The following SKAP1 variants were observed in gnomAD, a reference collection of about 807,000 sequenced individuals.
The protein encoded by SKAP1 is src kinase associated phosphoprotein 1.
SKAP1 carries 44 observed loss-of-function variants against 58.5 expected under a neutral mutation model. That is an observed-to-expected ratio of 0.75 (90% CI 0.59 to 0.97). The LOEUF (loss-of-function observed/expected upper bound fraction) is 0.97. SKAP1 is among the 50% of genes least tolerant of loss of function. The pLI is 0.00. For missense variants in SKAP1, 390 were observed against 435.2 expected (o/e 0.90, Z 0.92); for synonymous variants, 127 against 149.7 (o/e 0.85, Z 1.11).
chr17:48,220,892 A>C (rs1248734702), intron 4 of SKAP1, among the ~76,000 whole-genome samples: 2 of 150,442 alleles, frequency 1.3e-5, no homozygotes, highest in Non-Finnish European at 3.0e-5. Context: ...AGAAAAAAAA[A>C]AGAAAGAGAA....
chr17:48,391,605 T>C (rs2067345795), intron 2 of SKAP1, among the ~76,000 whole-genome samples: 1 of 152,174 alleles, frequency 6.6e-6, no homozygotes, highest in Non-Finnish European at 1.5e-5. Flanking sequence ...ATGAGTTGAG[T>C]AATAATGTTG....
At chr17:48,437,808 C>G in the SKAP1 span, among the ~76,000 whole-genome samples, 2 of 151,196 alleles carry the variant, frequency 1.3e-5, no homozygotes, top group Non-Finnish European at 2.9e-5. Flanking sequence ...GTAATTCAAG[C>G]TCAAAATATA....
At chr17:48,288,145 A>G (rs1377000123) in intron 4 of SKAP1, among the ~76,000 whole-genome samples, 2 of 152,176 alleles carry the variant, frequency 1.3e-5, no homozygotes, top group Non-Finnish European at 2.9e-5. Flanking sequence ...ATTTCTATGA[A>G]TTCATGGGAG....
At chr17:48,285,801 G>A (rs1202031552) in intron 4 of SKAP1, among the ~76,000 whole-genome samples, 2 of 152,108 alleles carry the variant, frequency 1.3e-5, no homozygotes, top group Admixed American at 1.3e-4. Context: ...TCCTTAATCT[G>A]TTCCTTGTTT....
chr17:48,304,408 G>A (rs1269027212), intron 4 of SKAP1, among the ~76,000 whole-genome samples: 1 of 152,188 alleles, frequency 6.6e-6, no homozygotes, highest in African/African-American at 2.4e-5. Context: ...AAGTGTGGGA[G>A]AATGATGGGA....
intron 4 of SKAP1, among the ~76,000 whole-genome samples, chr17:48,329,703 G>T (rs1209960310): frequency 1.3e-5 from 2 of 152,066 alleles, no homozygotes; most frequent in Non-Finnish European, 2.9e-5. Context: ...GAGAGACTTT[G>T]TCTAAAAAAA....
At position 48,162,510 on chromosome 17, in the gene SKAP1, G is replaced by T. The variant is rs2064083250; in HGVS notation, c.937C>A (p.Leu313Met). The T allele has an allele frequency of 6.2e-7, 1 of 1,613,966 alleles. No individual in the cohort carries two copies. Among genetic ancestry groups the T allele is most frequent in the Non-Finnish European group, 8.5e-7 (1 of 1,179,976 alleles). Residue 313 changes from leucine (L) to methionine (M), a missense_variant, in exon 11 of 13, where the codon CTG becomes ATG. Leu to Met is a conservative substitution (Grantham distance 15). Transcript: ENST00000336915. The part of the protein sequence containing the change: ...WDCHGDQPDE[L>M]SFQRGDLIRI... ...ATGAGGTCACCCCGTTGGAAGGACA[G>T]TTCATCTGGCTGGTCACCATGGCAA...
chr17:48,329,124 A>T (rs1174304167), intron 4 of SKAP1, among the ~76,000 whole-genome samples: 1 of 152,228 alleles, frequency 6.6e-6, no homozygotes, highest in Non-Finnish European at 1.5e-5. Flanking sequence ...CATTTGCATC[A>T]CTACAGAAAG....
At chr17:48,390,968 G>C (rs544584146) in intron 2 of SKAP1, among the ~76,000 whole-genome samples, 1 of 152,098 alleles carries the variant, frequency 6.6e-6, no homozygotes, top group Admixed American at 6.5e-5. Context: ...CCAGCTACTC[G>C]GGTGGCTGAG....
At chr17:48,430,495 C>A (rs146862394), upstream of SKAP1, among the ~76,000 whole-genome samples, 1 of 152,112 alleles carries the variant, frequency 6.6e-6, no homozygotes, top group Non-Finnish European at 1.5e-5. Context: ...TCCTAAGCAC[C>A]GAACAGTTGA....
intron 11 of SKAP1, among the ~76,000 whole-genome samples, chr17:48,146,220 C>T (rs142635634): frequency 0.027 from 4,116 of 152,128 alleles, 176 homozygotes; most frequent in African/African-American, 0.092. Context: ...AGGCCGGAGA[C>T]GGTGGCTCAC....
chr17:48,192,519 T>C (rs376359446), intron 4 of SKAP1, among the ~76,000 whole-genome samples: 2 of 152,234 alleles, frequency 1.3e-5, no homozygotes, highest in East Asian at 1.9e-4. Context: ...ATTACATTAA[T>C]GTGCCCACAC....
In SKAP1 at chr17:48,327,171, G is replaced by A. The variant is rs565577348; in HGVS notation, c.280+18734C>T. 1.5e-3 allele frequency among the ~76,000 whole-genome samples: 224 copies of A among 152,310 alleles called. 1 individual carries two copies. Among genetic ancestry groups the A allele is most frequent in the Non-Finnish European group, 2.3e-3 (158 of 68,032 alleles). ...CTCCCAAAGTACTGGGATTACAGGC[G>A]TGAGCCACCGTGCCCAGCATAATAA... On this transcript the variant is annotated intron_variant, in intron 4 of 12. Coordinates refer to ENST00000336915, the MANE Select transcript of SKAP1 (RefSeq NM_003726.4).
At chr17:48,276,962 T>C (rs1245872641) in intron 4 of SKAP1, among the ~76,000 whole-genome samples, 2 of 152,240 alleles carry the variant, frequency 1.3e-5, no homozygotes, top group Non-Finnish European at 2.9e-5. Context: ...ACACAGGAGA[T>C]GACCTCCAAC....
chr17:48,363,347 G>C (rs560452462), intron 3 of SKAP1, among the ~76,000 whole-genome samples: 1 of 152,298 alleles, frequency 6.6e-6, no homozygotes, highest in South Asian at 2.1e-4. Context: ...ACATTTCTCT[G>C]CTGCCAGACA....
intron 11 of SKAP1, among the ~76,000 whole-genome samples, chr17:48,142,516 T>A (rs1481565494): frequency 6.6e-6 from 1 of 152,150 alleles, no homozygotes; most frequent in Non-Finnish European, 1.5e-5. Context: ...AATGAGATTA[T>A]GATGAAATGA....
At chr17:48,308,603 T>A (rs911483929) in intron 4 of SKAP1, 4 of 152,202 alleles carry the variant, frequency 2.6e-5, no homozygotes, top group African/African-American at 9.6e-5. Context: ...GAAGACATCA[T>A]AATTTTCTAC....
intron 10 of SKAP1, among the ~76,000 whole-genome samples, 153 bp downstream of exon 10, chr17:48,170,456 C>G (rs959840839): frequency 6.6e-6 from 1 of 152,136 alleles, no homozygotes; most frequent in African/African-American, 2.4e-5. Flanking sequence ...ATTTCCCTAC[C>G]CAGTCACTTT....
At chr17:48,202,120 A>T (rs1003048792) in intron 4 of SKAP1, among the ~76,000 whole-genome samples, 3 of 152,234 alleles carry the variant, frequency 2.0e-5, no homozygotes, top group African/African-American at 7.2e-5. Flanking sequence ...AAAGCAAAAG[A>T]TTTAAGGAGG....
Sources: gnomAD v4.1 joint callset for allele counts (sites outside exome capture counted in the v4.1 genomes callset) on GRCh38, gnomAD v4.1.1 for gene constraint, MANE v1.5 for transcripts, NCBI Gene and HGNC (gene_info 2026-07-23, HGNC 2026-07-21) for gene names.